Variants in POLA1 observed in about 807,000 individuals in gnomAD.
POLA1 encodes the protein DNA polymerase alpha catalytic subunit.
Under a neutral mutation model 124.0 loss-of-function variants are expected in POLA1, and 15 were observed. The ratio of observed to expected loss-of-function variants is 0.12; its 90% CI spans 0.08 to 0.19. POLA1 has a LOEUF of 0.19. Among genes scored for constraint, POLA1 ranks in the 10% least tolerant of loss-of-function variants. The pLI is 1.00. For synonymous variants in POLA1, 408 were observed against 389.4 expected, an observed-to-expected ratio of 1.05 and a Z score of -0.56; for missense variants, 886 against 1,103.4, an observed-to-expected ratio of 0.80 and a Z score of 2.79.
intron 32 of POLA1, among the ~76,000 whole-genome samples, chrX:24,832,965 A>C (rs908662040): frequency 9.0e-5 from 10 of 111,718 alleles, no homozygotes; most frequent in Admixed American, 2.8e-4. Flanking sequence ...TGGTTATTAC[A>C]TAAATAAGTT....
intron 35 of POLA1, among the ~76,000 whole-genome samples, chrX:24,914,924 A>G (rs1308788578): frequency 8.9e-6 from 1 of 112,336 alleles, no homozygotes; most frequent in African/African-American, 3.2e-5. Context: ...AGACCACACA[A>G]AAAAACAGCA....
intron 26 of POLA1, among the ~76,000 whole-genome samples, chrX:24,771,422 T>G (rs2045032134): frequency 1.8e-5 from 2 of 111,725 alleles, no homozygotes; most frequent in Non-Finnish European, 3.8e-5. Flanking sequence ...CTTTAGTACC[T>G]CATACAGTAA....
At chrX:24,995,730 C>G (rs1159519478) in intron 36 of POLA1, 75 bp from the exon 37 acceptor site, 1 of 912,607 alleles carries the variant, frequency 1.1e-6, no homozygotes, top group African/African-American at 2.0e-5. Context: ...ATCAGCATCC[C>G]CTTCTCTGGT....
intron 36 of POLA1, among the ~76,000 whole-genome samples, chrX:24,943,559 G>C (rs2047930313): frequency 8.9e-6 from 1 of 112,235 alleles, no homozygotes; most frequent in African/African-American, 3.2e-5. Flanking sequence ...CACAGTAAAA[G>C]AAAGCGTCTG....
chrX:24,930,450 C>T lies in POLA1; in HGVS notation c.4165-3C>T. On this transcript the variant is annotated splice_polypyrimidine_tract_variant and splice_region_variant and intron_variant, in intron 35 of 36. Transcript: ENST00000379068. ...TATTCATTTATTTTCTGTTATATTA[C>T]AGTATTCTGACAAGTCCCTGTACAC... 2.6e-6 allele frequency: 3 copies of T among 1,132,681 alleles called. No homozygotes were observed. The highest frequency in any genetic ancestry group is 3.6e-5 in the South Asian group (2 of 55,177). The allele number at this position is 1,132,681 out of a possible 1,213,427, so 93.3% of individuals were successfully genotyped here.
At chrX:24,753,588 C>T (rs1046392545) in intron 26 of POLA1, among the ~76,000 whole-genome samples, 3 of 111,217 alleles carry the variant, frequency 2.7e-5, no homozygotes, top group Non-Finnish European at 5.6e-5. Context: ...CTCCTAGCCT[C>T]GAGGGATCCT....
intron 36 of POLA1, among the ~76,000 whole-genome samples, chrX:24,967,720 T>TTAAGCC (rs1556035748): frequency 9.2e-6 from 1 of 108,854 alleles, no homozygotes; most frequent in African/African-American, 3.4e-5. Context: ...TCAAGCTTAC[T>TTAAGCC]TAAGACCTCA....
At position 24,741,432 on chromosome X, in the gene POLA1, T is replaced by C. The variant is rs1931649628; in HGVS notation, c.2274T>C (p.Ile758=). ...LEHTWKDAKF[I]LQIMCELNVL... is the part of the protein sequence containing the mutation. ...ACACCTGGAAAGATGCCAAGTTCATTTTGCAGATCATGTGTGAGCTAAATG... is the reference window on the plus strand; with the variant it reads ...ACACCTGGAAAGATGCCAAGTTCATCTTGCAGATCATGTGTGAGCTAAATG... Residue 758 remains isoleucine (I), a synonymous_variant, in exon 21 of 37, where the codon ATT becomes ATC. Transcript: ENST00000379068. The C allele has an allele frequency of 1.7e-6, 2 of 1,194,075 alleles. No homozygotes were observed. The highest frequency in any genetic ancestry group is 4.4e-5 in the Admixed American group (2 of 45,649).
At chrX:24,833,974 A>G (rs1184837018) in intron 32 of POLA1, among the ~76,000 whole-genome samples, 1 of 110,301 alleles carries the variant, frequency 9.1e-6, no homozygotes, top group Non-Finnish European at 1.9e-5. Context: ...AGTCCCAGCT[A>G]CTCAGCTGAC....
In POLA1 at chrX:24,741,522, A is replaced by AG. The variant is rs772048691; in HGVS notation, c.2346+23dup. 1.7e-6 allele frequency: 2 copies of AG among 1,187,025 alleles called. No individual in the cohort carries two copies. Among genetic ancestry groups the AG allele is most frequent in the South Asian group, 3.6e-5 (2 of 56,016 alleles). Reference sequence around the variant, plus strand: ...ACATTATGGTAAATTTAACTTAGAAAGGGGGAAAAAGCATTTCCTGTTGGA... The same window carrying AG: ...ACATTATGGTAAATTTAACTTAGAAAGGGGGGAAAAAGCATTTCCTGTTGGA... On this transcript the variant is annotated intron_variant, in intron 21 of 36. Coordinates refer to ENST00000379068, the MANE Select transcript of POLA1 (RefSeq NM_001330360.2).
rs148130697 is a variant in POLA1, at chrX:24,714,373, G to C, written c.347-181G>C. Among the ~76,000 whole-genome samples the C allele has an allele frequency of 2.0e-3, 224 of 112,178 alleles. 3 individuals carry two copies. In the East Asian group the frequency reaches 0.037, roughly 19 times the overall value. On this transcript the variant is annotated intron_variant, in intron 4 of 36. Coordinates refer to ENST00000379068, the MANE Select transcript of POLA1 (RefSeq NM_001330360.2). Reference sequence around the variant, plus strand: ...GGGTTTCACTGTGTTAGCCAGGATGGTCTCGATCTCCTGATCTCGTGATCC... The same window carrying C: ...GGGTTTCACTGTGTTAGCCAGGATGCTCTCGATCTCCTGATCTCGTGATCC...
chrX:24,826,111 A>T (rs1874825456), intron 31 of POLA1, among the ~76,000 whole-genome samples: 1 of 112,271 alleles, frequency 8.9e-6, no homozygotes, highest in South Asian at 3.7e-4. Flanking sequence ...GTGTTTGGTG[A>T]TATGGCAGGT....
intron 36 of POLA1, among the ~76,000 whole-genome samples, chrX:24,977,284 C>T (rs899297401): frequency 8.9e-6 from 1 of 112,369 alleles, no homozygotes; most frequent in East Asian, 2.8e-4. Context: ...TTAATTCACC[C>T]TCATACTTAA....
At chrX:24,769,948 C>T (rs1044543823) in intron 26 of POLA1, among the ~76,000 whole-genome samples, 3 of 111,809 alleles carry the variant, frequency 2.7e-5, no homozygotes, top group African/African-American at 9.8e-5. Context: ...ATTGCCAAGG[C>T]CTCTTTATTT....
chrX:24,910,387 T>C (rs1408460708), intron 35 of POLA1, among the ~76,000 whole-genome samples: 1 of 110,333 alleles, frequency 9.1e-6, no homozygotes, highest in Non-Finnish European at 1.9e-5. Flanking sequence ...TTGTCATAGA[T>C]AGCTCTTATT....
At chrX:24,732,800 A>G (rs1335794505) in intron 16 of POLA1, among the ~76,000 whole-genome samples, 3 of 110,768 alleles carry the variant, frequency 2.7e-5, no homozygotes, top group African/African-American at 6.6e-5. Context: ...CTAATAGCCT[A>G]TCATAGAAGC....
intron 14 of POLA1, among the ~76,000 whole-genome samples, chrX:24,727,357 A>C (rs192989677): frequency 8.7e-4 from 97 of 111,399 alleles, no homozygotes; most frequent in South Asian, 7.8e-3. Context: ...TGTTGTGCAT[A>C]GTGAACTGCT....
At chrX:24,718,826 G>A (rs764444921) in intron 10 of POLA1, among the ~76,000 whole-genome samples, 21 of 111,840 alleles carry the variant, frequency 1.9e-4, no homozygotes, top group Non-Finnish European at 7.5e-5. Flanking sequence ...GGCTGGAGAG[G>A]AGAGAAGTAA....
chrX:24,752,132 C>T lies in POLA1; in HGVS notation c.2964+3140C>T, dbSNP rs1440335343. The stretch of plus-strand genomic sequence containing the variant: ...TGCTCAGTTTTCCTGGAATCGTGCA[C>T]GTTTGGCTCTAGCGACCTAATAATT... On this transcript the variant is annotated intron_variant, in intron 26 of 36. Transcript: ENST00000379068. 7.1e-5 allele frequency among the ~76,000 whole-genome samples: 8 copies of T among 112,033 alleles called. No individual in the cohort carries two copies. In the East Asian group the frequency reaches 1.9e-3, roughly 27 times the overall value.
Sources: allele counts gnomAD v4.1 joint callset (sites outside exome capture counted in the v4.1 genomes callset), GRCh38; gene constraint gnomAD v4.1.1; transcripts MANE v1.5; gene names NCBI Gene and HGNC (gene_info 2026-07-23, HGNC 2026-07-21).